Variants in CHD6 observed in about 807,000 individuals in gnomAD.
CHD6 encodes chromodomain helicase DNA binding protein 6.
A neutral mutation model predicts 276.9 loss-of-function variants in CHD6; 50 were observed. The observed-to-expected ratio is 0.18, with a 90% CI of 0.14 to 0.23. CHD6 has a LOEUF of 0.23. Among genes scored for constraint, CHD6 ranks in the 10% least tolerant of loss-of-function variants. The pLI is 1.00. For synonymous variants in CHD6, 1,173 were observed against 1,229.3 expected (o/e 0.95, Z 0.96); for missense variants, 2,564 against 3,365.8 (o/e 0.76, Z 5.89).
intron 29 of CHD6, among the ~76,000 whole-genome samples, chr20:41,424,938 A>G (rs1372590370): frequency 1.3e-5 from 2 of 152,218 alleles, no homozygotes; most frequent in Non-Finnish European, 2.9e-5. Context: ...ACTTAGGAAG[A>G]GTGTCAAGTT....
In CHD6 at chr20:41,473,630, T is replaced by C; in HGVS notation, c.2469-113A>G. ...GGCCTTAAATCCCTCACTTCTAAAT[T>C]TGGACCAAATGACAGCAGTCTAGAA... is the stretch of plus-strand genomic sequence containing the variant. On this transcript the variant is annotated intron_variant, in intron 16 of 36. Coordinates refer to ENST00000373233, the MANE Select transcript of CHD6 (RefSeq NM_032221.5). This position sits in a 1 kb window ranked among gnomAD's most constrained non-coding sequence, Gnocchi z 4.1. The C allele has an allele frequency of 1.2e-6, 1 of 821,276 alleles. No homozygotes were observed. Among genetic ancestry groups the C allele is most frequent in the Non-Finnish European group, 1.9e-6 (1 of 514,938 alleles). The allele number at this position is 821,276 out of a possible 1,614,324, so 50.9% of individuals were successfully genotyped here.
chr20:41,601,619 G>A (rs997024399), intron 1 of CHD6, among the ~76,000 whole-genome samples: 5 of 152,262 alleles, frequency 3.3e-5, no homozygotes, highest in South Asian at 4.1e-4. Flanking sequence ...GGGTTCACTC[G>A]CTTCAAGGCA....
Position 41,405,119 on chromosome 20 carries a change from G to A in CHD6, c.7622C>T (p.Pro2541Leu), listed in dbSNP as rs540670405. Reference sequence around the variant, plus strand: ...AGTGGAAGTGCAGGTGGTTGCCATGGGTGGACTGAGGAGTCCCCCAACACC... The same window carrying A: ...AGTGGAAGTGCAGGTGGTTGCCATGAGTGGACTGAGGAGTCCCCCAACACC... ...MFGVGGLLSP[P>L]MATTCTSTAP... is the part of the protein sequence containing the mutation. Residue 2541 changes from proline to leucine, a missense_variant, in exon 37 of 37, where the codon CCC (proline) becomes CTC (leucine). By Grantham distance (98) the Pro-to-Leu change is moderately conservative. Transcript: ENST00000373233. 2 of 1,614,222 alleles carry A rather than the reference G, an allele frequency of 1.2e-6. No individual in the cohort carries two copies. The highest frequency in any genetic ancestry group is 2.7e-5 in the African/African-American group (2 of 75,064).
At chr20:41,590,654 A>T (rs2045647460) in intron 1 of CHD6, among the ~76,000 whole-genome samples, 1 of 152,256 alleles carries the variant, frequency 6.6e-6, no homozygotes, top group Non-Finnish European at 1.5e-5. Flanking sequence ...TCAAAACCAC[A>T]ATGAGATACC....
In CHD6 at chr20:41,421,418, T is replaced by C. The variant is rs751563586; in HGVS notation, c.5217A>G (p.Ile1739Met). ...ESRKDVITIS[I>M]SKDGNCQSGG... ...CAGACTGGCAGTTCCCATCTTTGCT[T>C]ATTGAGATGGTAATAACATCTTTTC... Residue 1739 changes from isoleucine (I) to methionine (M), a missense_variant, in exon 31 of 37, where the codon ATA (isoleucine) becomes ATG (methionine). Transcript: ENST00000373233. 1.9e-6 allele frequency: 3 copies of C among 1,614,012 alleles called. No individual in the cohort carries two copies.
At chr20:41,587,851 C>G (rs1417728315) in intron 1 of CHD6, among the ~76,000 whole-genome samples, 2 of 152,044 alleles carry the variant, frequency 1.3e-5, no homozygotes, top group Non-Finnish European at 2.9e-5. Flanking sequence ...CAAAAAAACC[C>G]TGCTGGGCAA....
chr20:41,521,682 C>T (rs935636986), intron 3 of CHD6, among the ~76,000 whole-genome samples: 2 of 152,154 alleles, frequency 1.3e-5, no homozygotes, highest in South Asian at 4.1e-4. Flanking sequence ...AATGAGTACA[C>T]CTAACACTCA....
chr20:41,412,384 G>A, intron 35 of CHD6, 121 bp from the exon 36 acceptor site: 1 of 1,180,056 alleles, frequency 8.5e-7, no homozygotes, highest in Non-Finnish European at 1.2e-6. Context: ...ACAGGAGCTG[G>A]CCAGGTTAAA....
intron 17 of CHD6, among the ~76,000 whole-genome samples, chr20:41,466,227 CAGTT>C (rs2042917231): frequency 1.3e-5 from 2 of 152,208 alleles, no homozygotes; most frequent in Admixed American, 1.3e-4. Flanking sequence ...AAAACACACA[CAGTT>C]TGTTTTAGTT....
intron 17 of CHD6, among the ~76,000 whole-genome samples, chr20:41,458,410 T>C (rs1383281703): frequency 6.6e-6 from 1 of 152,228 alleles, no homozygotes; most frequent in Non-Finnish European, 1.5e-5. Context: ...TTATTATTCT[T>C]ATTGCTGTTC....
rs2044156651 is a variant in CHD6 at position 41,512,956 on chromosome 20, T to C, written c.742A>G (p.Asn248Asp). 1.4e-5 allele frequency: 23 copies of C among 1,613,988 alleles called. No individual in the cohort carries two copies. Among genetic ancestry groups the C allele is most frequent in the Non-Finnish European group, 1.8e-5 (21 of 1,179,964 alleles). Reference sequence around the variant, plus strand: ...ACCACTTTGAAGTCCAGGTCCTCATTGTATTTTCTGCGCTTTACTTGCCTT... The same window carrying C: ...ACCACTTTGAAGTCCAGGTCCTCATCGTATTTTCTGCGCTTTACTTGCCTT... ...SGRQVKRRKY[N>D]EDLDFKVVDD... The change falls in exon 5 of 37, where the codon AAT becomes GAT. Residue 248 changes from asparagine (N) to aspartate (D), a missense_variant. Asn to Asp is a conservative substitution (Grantham distance 23). Transcript: ENST00000373233.
chr20:41,454,622 G>C lies in CHD6; in HGVS notation c.3120+4C>G, dbSNP rs2048332170. On this transcript the variant is annotated splice_donor_region_variant and intron_variant, in intron 20 of 36. Transcript: ENST00000373233. ...CCATGGAATAAAATATTATTTTGCT[G>C]TACCTTTTCATTCTTTGCTTCAGTG... The C allele has an allele frequency of 1.3e-6, 2 of 1,599,540 alleles. No individual in the cohort carries two copies. Among genetic ancestry groups the C allele is most frequent in the Middle Eastern group, 1.7e-4 (1 of 6,016 alleles).
chr20:41,474,588 C>T (rs571805158), intron 16 of CHD6, among the ~76,000 whole-genome samples: 45 of 152,272 alleles, frequency 3.0e-4, no homozygotes, highest in Non-Finnish European at 5.4e-4. Context: ...AAACCGACAA[C>T]AGCCAAGACC....
At chr20:41,479,066 A>G (rs1014685000) in intron 16 of CHD6, among the ~76,000 whole-genome samples, 8 of 152,198 alleles carry the variant, frequency 5.3e-5, no homozygotes, top group African/African-American at 1.9e-4. Flanking sequence ...AGAACTAATA[A>G]ATAAAGCATA....
Position 41,536,061 on chromosome 20 carries a change from A to G in CHD6, c.34-2491T>C, listed in dbSNP as rs576188084. Among the ~76,000 whole-genome samples the G allele has an allele frequency of 2.9e-4, 44 of 152,090 alleles. 1 individual carries two copies. The South Asian group carries it at 9.2e-3, about 32-fold the overall frequency. On this transcript the variant is annotated intron_variant, in intron 2 of 36. Transcript: ENST00000373233. ...ACATATTTGCTGAAGATTAAAAAAT[A>G]TAAGACAAAAAAATTTCTTTCATGT...
chr20:41,613,991 A>G (rs2045912599), intron 1 of CHD6, among the ~76,000 whole-genome samples: 1 of 152,018 alleles, frequency 6.6e-6, no homozygotes, highest in African/African-American at 2.4e-5. Flanking sequence ...GCTTTTACAT[A>G]AAAACAATCT....
At chr20:41,552,859 G>C (rs1454923268) in intron 1 of CHD6, among the ~76,000 whole-genome samples, 1 of 152,200 alleles carries the variant, frequency 6.6e-6, no homozygotes, top group Non-Finnish European at 1.5e-5. Context: ...AAGGTGAAGG[G>C]GAGGAGGGTA....
At chr20:41,511,957 T>A (rs1012824728) in intron 5 of CHD6, among the ~76,000 whole-genome samples, 1 of 141,036 alleles carries the variant, frequency 7.1e-6, no homozygotes, top group Admixed American at 7.0e-5. Context: ...CGATTTATTA[T>A]ACAAAAGACT....
intron 1 of CHD6, among the ~76,000 whole-genome samples, chr20:41,595,800 T>C (rs2045711465): frequency 6.8e-6 from 1 of 146,932 alleles, no homozygotes; most frequent in African/African-American, 2.5e-5. Context: ...CTCAGTTTGC[T>C]TTTTTTTTTG....
Sources: gnomAD v4.1 joint callset for allele counts (sites outside exome capture counted in the v4.1 genomes callset) on GRCh38, gnomAD v4.1.1 for gene constraint, Gnocchi (gnomAD v3.1) non-coding constraint, MANE v1.5 for transcripts, NCBI Gene and HGNC (gene_info 2026-07-23, HGNC 2026-07-21) for gene names.